ASIC2: variants seen among roughly 807,000 people sequenced by gnomAD.
The protein encoded by ASIC2 is acid sensing ion channel subunit 2, also known as acid-sensing ion channel 2.
In ASIC2, 25 loss-of-function variants were observed where a neutral mutation model predicts 57.3. That is an observed-to-expected ratio of 0.44 (90% confidence interval 0.32 to 0.61). ASIC2 has a LOEUF of 0.61. Among genes scored for constraint, ASIC2 ranks in the 20% least tolerant of loss-of-function variants. The probability of loss-of-function intolerance (pLI) is 0.06; values close to 1 mark genes in which losing one functional copy is unlikely to be tolerated. For synonymous variants in ASIC2, 319 were observed against 307.5 expected (o/e 1.04, Z -0.39); for missense variants, 641 against 738.1 (o/e 0.87, Z 1.52).
intron 1 of ASIC2, among the ~76,000 whole-genome samples, chr17:33,752,415 T>C (rs891498825): frequency 1.3e-4 from 20 of 151,862 alleles, no homozygotes; most frequent in African/African-American, 4.8e-4. Context: ...GTTAGAAGAA[T>C]GAAAAGACAA....
intron 1 of ASIC2, among the ~76,000 whole-genome samples, chr17:33,603,121 A>G (rs967577114): frequency 2.0e-5 from 3 of 152,200 alleles, no homozygotes; most frequent in African/African-American, 7.2e-5. Flanking sequence ...CCTCCAGGCA[A>G]GAGTGATGAA....
At chr17:33,295,563 T>A (rs1905689276), upstream of ASIC2, among the ~76,000 whole-genome samples, 1 of 152,154 alleles carries the variant, frequency 6.6e-6, no homozygotes, top group Non-Finnish European at 1.5e-5. Flanking sequence ...CAGCATACCT[T>A]GGAAGATTGA....
upstream of ASIC2, among the ~76,000 whole-genome samples, chr17:33,295,768 C>T (rs1567814256): frequency 6.6e-6 from 1 of 152,214 alleles, no homozygotes; most frequent in African/African-American, 2.4e-5. Flanking sequence ...CTACTATACG[C>T]CAGGTACAGA....
At chr17:33,133,331 G>A (rs2092354888) in intron 1 of ASIC2, among the ~76,000 whole-genome samples, 1 of 152,184 alleles carries the variant, frequency 6.6e-6, no homozygotes, top group Non-Finnish European at 1.5e-5. Context: ...GAGCGTGCTG[G>A]CGGAATTGCA....
At chr17:33,124,310 C>CTATA (rs1303844737) in intron 1 of ASIC2, among the ~76,000 whole-genome samples, 1 of 152,168 alleles carries the variant, frequency 6.6e-6, no homozygotes, top group East Asian at 1.9e-4. Flanking sequence ...AGAGAGTTTT[C>CTATA]TATAGTTTAA....
intron 1 of ASIC2, among the ~76,000 whole-genome samples, chr17:33,842,938 T>C (rs940901795): frequency 3.3e-5 from 5 of 152,118 alleles, no homozygotes; most frequent in Non-Finnish European, 7.4e-5. Context: ...AGATTTTGAT[T>C]TGATGAAAGG....
At chr17:33,313,622 G>T (rs970214723) in intron 1 of ASIC2, among the ~76,000 whole-genome samples, 1 of 152,072 alleles carries the variant, frequency 6.6e-6, no homozygotes, top group Admixed American at 6.6e-5. Context: ...AACTCCTCTG[G>T]TTATTATGAC....
intron 1 of ASIC2, among the ~76,000 whole-genome samples, chr17:33,882,802 A>G (rs945935632): frequency 2.6e-5 from 4 of 152,248 alleles, no homozygotes; most frequent in Non-Finnish European, 4.4e-5. Flanking sequence ...ATAAAGACAC[A>G]TGCACACGTA....
At chr17:33,022,609 T>A (rs1041684451) in intron 6 of ASIC2, among the ~76,000 whole-genome samples, 14 of 152,224 alleles carry the variant, frequency 9.2e-5, no homozygotes, top group African/African-American at 3.4e-4. Context: ...GTGCTGATGG[T>A]CTCTGCTGAG....
At chr17:33,557,741 A>G (rs546111675) in intron 1 of ASIC2, among the ~76,000 whole-genome samples, 1 of 152,324 alleles carries the variant, frequency 6.6e-6, no homozygotes, top group East Asian at 1.9e-4. Flanking sequence ...CATTTTATTT[A>G]CACATCCCAC....
intron 1 of ASIC2, among the ~76,000 whole-genome samples, chr17:33,634,386 A>G (rs894581307): frequency 1.3e-5 from 2 of 152,180 alleles, no homozygotes; most frequent in Admixed American, 1.3e-4. Flanking sequence ...GGTTTACCAG[A>G]CCCTTCACCT....
intron 1 of ASIC2, among the ~76,000 whole-genome samples, chr17:34,131,628 C>T (rs1911966068): frequency 6.6e-6 from 1 of 152,242 alleles, no homozygotes; most frequent in African/African-American, 2.4e-5. Flanking sequence ...ACAGCAGGGA[C>T]ATCTTCCTGA....
At chr17:34,059,956 C>T (rs1011612305) in intron 1 of ASIC2, among the ~76,000 whole-genome samples, 5 of 152,194 alleles carry the variant, frequency 3.3e-5, no homozygotes, top group African/African-American at 2.4e-5. Flanking sequence ...AGTTCTAGGG[C>T]CCTGCCCACC....
At chr17:33,840,635 G>A (rs192830842) in intron 1 of ASIC2, among the ~76,000 whole-genome samples, 1 of 152,268 alleles carries the variant, frequency 6.6e-6, no homozygotes, top group East Asian at 1.9e-4. Context: ...AAATTGAGAA[G>A]GGGAGTTGAC....
At chr17:33,994,989 T>C (rs759197243) in intron 1 of ASIC2, among the ~76,000 whole-genome samples, 2 of 152,166 alleles carry the variant, frequency 1.3e-5, no homozygotes, top group Non-Finnish European at 2.9e-5. Flanking sequence ...CTTCCTAGCA[T>C]TGGGGACATC....
At chr17:34,079,629 T>A (rs1909803441) in intron 1 of ASIC2, among the ~76,000 whole-genome samples, 1 of 152,222 alleles carries the variant, frequency 6.6e-6, no homozygotes, top group Admixed American at 6.5e-5. Context: ...TTCTGTACCC[T>A]AATACCTAAC....
intron 1 of ASIC2, among the ~76,000 whole-genome samples, chr17:33,308,855 A>G (rs1306505428): frequency 6.6e-6 from 1 of 152,214 alleles, no homozygotes. Flanking sequence ...AGGTCACTTC[A>G]TGGAACTTGT....
chr17:33,465,718 G>A (rs906769439), intron 1 of ASIC2, among the ~76,000 whole-genome samples: 1 of 152,174 alleles, frequency 6.6e-6, no homozygotes, highest in South Asian at 2.1e-4. Flanking sequence ...GAACAGGAAA[G>A]GTCTGCCCCT....
At chr17:33,946,542 T>G (rs895542329) in intron 1 of ASIC2, among the ~76,000 whole-genome samples, 14 of 152,264 alleles carry the variant, frequency 9.2e-5, no homozygotes, top group African/African-American at 3.1e-4. Context: ...ATCCTCTGTG[T>G]GCAGGCACAG....
Sources: gnomAD v4.1 joint callset for allele counts (sites outside exome capture counted in the v4.1 genomes callset) on GRCh38, gnomAD v4.1.1 for gene constraint, MANE v1.5 for transcripts, NCBI Gene and HGNC (gene_info 2026-07-23, HGNC 2026-07-21) for gene names.